The following BEND4 variants were observed in gnomAD, a reference collection of about 807,000 sequenced individuals.
BEND4 encodes BEN domain containing 4, also known as BEN domain-containing protein 4.
A neutral mutation model predicts 54.7 loss-of-function variants in BEND4; 27 were observed. That is an observed-to-expected ratio of 0.49 (90% CI 0.36 to 0.68). The LOEUF (loss-of-function observed/expected upper bound fraction) is 0.68. BEND4 is among the 30% of genes least tolerant of loss of function. The probability of loss-of-function intolerance (pLI) is 0.00; values close to 1 mark genes in which losing one functional copy is unlikely to be tolerated. For missense variants in BEND4, 702 were observed against 697.2 expected, an observed-to-expected ratio of 1.01 and a Z score of -0.08; for synonymous variants, 327 against 299.5, an observed-to-expected ratio of 1.09 and a Z score of -0.95.
intron 3 of BEND4, among the ~76,000 whole-genome samples, chr4:42,137,150 C>A (rs1720724072): frequency 6.6e-6 from 1 of 152,106 alleles, no homozygotes; most frequent in African/African-American, 2.4e-5. Context: ...GTCTCAACCT[C>A]CTTGTCTATA....
intron 3 of BEND4, among the ~76,000 whole-genome samples, chr4:42,127,936 GAGGATCGCTTGAGCCC>G (rs1250020823): frequency 1.3e-5 from 2 of 152,128 alleles, no homozygotes; most frequent in Non-Finnish European, 2.9e-5. Context: ...GCAAAGGTGG[GAGGATCGCTTGAGCCC>G]AGGAGATTGA....
chr4:42,128,703 G>A (rs1053681417), intron 3 of BEND4, among the ~76,000 whole-genome samples: 6 of 151,824 alleles, frequency 4.0e-5, no homozygotes, highest in South Asian at 2.1e-4. Context: ...ATTCAAGGCC[G>A]GGTGCGGTGG....
chr4:42,120,941 T>C (rs1317720621), intron 4 of BEND4, among the ~76,000 whole-genome samples: 1 of 152,232 alleles, frequency 6.6e-6, no homozygotes, highest in Non-Finnish European at 1.5e-5. Flanking sequence ...CTTCATAATT[T>C]ACGTCTGCTA....
At position 42,151,849 on chromosome 4, in the gene BEND4, ACGAAGCGGCGGCGG is replaced by A; in HGVS notation, c.281_294del (p.Ala94ValfsTer55). 7.5e-7 allele frequency: 1 copy of A among 1,325,514 alleles called. No individual in the cohort carries two copies. Among genetic ancestry groups the A allele is most frequent in the Non-Finnish European group, 9.5e-7 (1 of 1,047,676 alleles). 82.1% of individuals were successfully genotyped at this position (1,325,514 alleles called of 1,614,324 possible). ...GCGGGCGTGCAGGACGGCGACGACG[ACGAAGCGGCGGCGG>A]CGGCCCGGCCGGGCCCGGGGGGGTA... On this transcript the variant is annotated frameshift_variant, in exon 2 of 6. Coordinates refer to ENST00000502486, the MANE Select transcript of BEND4 (RefSeq NM_207406.4). LOFTEE classifies it high-confidence loss of function.
intron 3 of BEND4, among the ~76,000 whole-genome samples, chr4:42,129,329 T>C (rs112007027): frequency 0.034 from 5,152 of 152,170 alleles, 294 homozygotes; most frequent in African/African-American, 0.12. Context: ...AGAATCAATA[T>C]CATGAAAATG....
At chr4:42,129,904 T>TAGGATCCAAGTAAAAGC (rs1218163008) in intron 3 of BEND4, among the ~76,000 whole-genome samples, 5 of 152,134 alleles carry the variant, frequency 3.3e-5, no homozygotes, top group Admixed American at 6.6e-5. Context: ...AATTGACAGA[T>TAGGATCCAAGTAAAAGC]AGGATCCAAG....
chr4:42,129,689 A>G (rs987626019), intron 3 of BEND4, among the ~76,000 whole-genome samples: 1 of 152,220 alleles, frequency 6.6e-6, no homozygotes, highest in Non-Finnish European at 1.5e-5. Flanking sequence ...GAAAACTGAA[A>G]CTATACCCCT....
At chr4:42,144,251 T>C (rs1720999404) in intron 2 of BEND4, among the ~76,000 whole-genome samples, 1 of 152,158 alleles carries the variant, frequency 6.6e-6, no homozygotes, top group African/African-American at 2.4e-5. Flanking sequence ...GGGCACCATA[T>C]AGAGATTTCC....
Position 42,114,277 on chromosome 4 carries a change from A to G in BEND4, c.*3241T>C, listed in dbSNP as rs551285193. The G allele has an allele frequency of 6.6e-6, 1 of 152,364 alleles. No individual in the cohort carries two copies. Among genetic ancestry groups the G allele is most frequent in the East Asian group, 1.9e-4 (1 of 5,178 alleles). The allele number at this position is 152,364 out of a possible 1,614,324, so 9.4% of individuals were successfully genotyped here. On this transcript the variant is annotated 3_prime_UTR_variant, in exon 6 of 6. Coordinates refer to ENST00000502486, the MANE Select transcript of BEND4 (RefSeq NM_207406.4). Reference sequence around the variant, plus strand: ...GGAACTGAGCTTGGGGCTTCAACTCACTGCGAAAAGCCGGCATGATCTTTG... The same window carrying G: ...GGAACTGAGCTTGGGGCTTCAACTCGCTGCGAAAAGCCGGCATGATCTTTG...
At chr4:42,129,998 C>T (rs1281898143) in intron 3 of BEND4, among the ~76,000 whole-genome samples, 1 of 152,132 alleles carries the variant, frequency 6.6e-6, no homozygotes, top group African/African-American at 2.4e-5. Flanking sequence ...GCAATCTATC[C>T]ATCTGACAAA....
At chr4:42,122,035 G>C (rs757275581) in intron 4 of BEND4, among the ~76,000 whole-genome samples, 31 of 152,102 alleles carry the variant, frequency 2.0e-4, no homozygotes, top group Non-Finnish European at 3.4e-4. Flanking sequence ...GGCCGGGAGC[G>C]GGGGTGAAAT....
chr4:42,142,231 G>A (rs568142961), intron 3 of BEND4, among the ~76,000 whole-genome samples: 1 of 151,338 alleles, frequency 6.6e-6, no homozygotes, highest in African/African-American at 2.4e-5. Flanking sequence ...TTTTAGCAAT[G>A]ACCACGCAAT....
At position 42,116,351 on chromosome 4, in the gene BEND4, T is replaced by C. The variant is rs1246283338; in HGVS notation, c.*1167A>G. The C allele has an allele frequency of 6.6e-6, 1 of 152,168 alleles. No individual in the cohort carries two copies. Among genetic ancestry groups the C allele is most frequent in the Non-Finnish European group, 1.5e-5 (1 of 68,030 alleles). The allele number at this position is 152,168 out of a possible 1,614,324, so 9.4% of individuals were successfully genotyped here. A position where few individuals can be genotyped will look rare whatever the true frequency, so the allele number is the denominator to read the frequency against. On this transcript the variant is annotated 3_prime_UTR_variant, in exon 6 of 6. Transcript: ENST00000502486. ...CTATAGCATTTGCCAATATGGAAAG[T>C]TTCCAAAGATACCACTAATTTCACA...
intron 2 of BEND4, among the ~76,000 whole-genome samples, chr4:42,146,767 T>C (rs1480813363): frequency 2.0e-5 from 3 of 152,230 alleles, no homozygotes; most frequent in Non-Finnish European, 4.4e-5. Flanking sequence ...TGATTTCCCC[T>C]ATACACCTTT....
chr4:42,130,209 A>G (rs540722547), intron 3 of BEND4, among the ~76,000 whole-genome samples: 2 of 152,154 alleles, frequency 1.3e-5, no homozygotes, highest in African/African-American at 2.4e-5. Flanking sequence ...GGCTGGGCGC[A>G]GTGGTTCACG....
intron 2 of BEND4, 41 bp from the exon 3 acceptor site, chr4:42,144,035 C>A (rs774565532): frequency 1.4e-6 from 2 of 1,432,790 alleles, no homozygotes; most frequent in Non-Finnish European, 1.9e-6. Flanking sequence ...CAACAGCCAA[C>A]GGCAAAAGAT....
At chr4:42,129,554 T>C (rs1319797591) in intron 3 of BEND4, among the ~76,000 whole-genome samples, 4 of 151,838 alleles carry the variant, frequency 2.6e-5, no homozygotes, top group Admixed American at 2.6e-4. Context: ...CACAGACCAA[T>C]GGAACAGAAC....
intron 3 of BEND4, among the ~76,000 whole-genome samples, chr4:42,138,831 TATG>T (rs1452158586): frequency 6.6e-6 from 1 of 152,224 alleles, no homozygotes; most frequent in Non-Finnish European, 1.5e-5. Context: ...TACTATATTT[TATG>T]ATTCTAAGAC....
At position 42,117,513 on chromosome 4, in the gene BEND4, G is replaced by A; in HGVS notation, c.*5C>T. 6.3e-7 allele frequency: 1 copy of A among 1,598,056 alleles called. No individual in the cohort carries two copies. The highest frequency in any genetic ancestry group is 8.6e-7 in the Non-Finnish European group (1 of 1,168,874). ...CCAGCTGCTACAACAGGAAGATTCTGTCCACTAATCCCCAGATCCATCCTG... is the reference window on the plus strand; with the variant it reads ...CCAGCTGCTACAACAGGAAGATTCTATCCACTAATCCCCAGATCCATCCTG... On this transcript the variant is annotated 3_prime_UTR_variant, in exon 6 of 6. Transcript: ENST00000502486.
Sources: allele counts gnomAD v4.1 joint callset (sites outside exome capture counted in the v4.1 genomes callset), GRCh38; gene constraint gnomAD v4.1.1; transcripts MANE v1.5; gene names NCBI Gene and HGNC (gene_info 2026-07-23, HGNC 2026-07-21).